The following TAFA1 variants were observed in gnomAD, a reference collection of about 807,000 sequenced individuals.
TAFA1 encodes chemokine-like protein TAFA-1.
In TAFA1, 4 loss-of-function variants were observed where a neutral mutation model predicts 18.5. That is an observed-to-expected ratio of 0.22 (90% confidence interval 0.11 to 0.49). The LOEUF is 0.49. Among genes scored for constraint, TAFA1 ranks in the 20% least tolerant of loss-of-function variants. TAFA1 has a pLI of 0.98. For synonymous variants in TAFA1, 56 were observed against 55.2 expected (o/e 1.01, Z -0.06); for missense variants, 147 against 169.0 (o/e 0.87, Z 0.72).
At position 68,512,827 on chromosome 3, in the gene TAFA1, G is replaced by A. The variant is rs78374755; in HGVS notation, c.260-25929G>A. Among the ~76,000 whole-genome samples, 1,259 of 152,012 alleles carry A rather than the reference G, an allele frequency of 8.3e-3. 17 individuals carry two copies. Among genetic ancestry groups the A allele is most frequent in the African/African-American group, 0.028 (1,170 of 41,492 alleles). ...TGTCAGAACTCATGATCTTGATTAC[G>A]TTGTTACATGAACTATTAATTTAAA... On this transcript the variant is annotated intron_variant, in intron 3 of 4. Coordinates refer to ENST00000478136, the MANE Select transcript of TAFA1 (RefSeq NM_213609.4).
intron 3 of TAFA1, among the ~76,000 whole-genome samples, chr3:68,498,445 T>C (rs1849231): frequency 0.21 from 31,979 of 152,042 alleles, 3,440 homozygotes; most frequent in Middle Eastern, 0.24. Context: ...ATGCCACAGC[T>C]GTGCAAAATA....
At chr3:68,053,531 A>G (rs1210884243) in intron 2 of TAFA1, among the ~76,000 whole-genome samples, 1 of 151,948 alleles carries the variant, frequency 6.6e-6, no homozygotes, top group African/African-American at 2.4e-5. Flanking sequence ...ATTTTAATGT[A>G]TCTATTTACT....
Position 68,145,224 on chromosome 3 carries a change from T to C in TAFA1, c.118+138480T>C, listed in dbSNP as rs28640013. The C allele has an allele frequency of 3.8e-6, 3 of 792,942 alleles. No homozygotes were observed. The East Asian group carries it at 7.3e-5, about 19-fold the overall frequency. The allele number at this position is 792,942 out of a possible 1,614,324, so 49.1% of individuals were successfully genotyped here. ...TCTGCAAATTCTGAACTTGGGGGAATTTGGTCAGTAGGACGAAGAGTCTGG... is the reference window on the plus strand; with the variant it reads ...TCTGCAAATTCTGAACTTGGGGGAACTTGGTCAGTAGGACGAAGAGTCTGG... On this transcript the variant is annotated intron_variant, in intron 2 of 4. Coordinates refer to ENST00000478136, the MANE Select transcript of TAFA1 (RefSeq NM_213609.4).
chr3:68,387,130 T>A (rs2070122688), intron 2 of TAFA1, among the ~76,000 whole-genome samples: 1 of 151,886 alleles, frequency 6.6e-6, no homozygotes, highest in South Asian at 2.1e-4. Flanking sequence ...AAGAGTGTGA[T>A]GGAACAAATC....
At chr3:68,497,175 A>G (rs1293372507) in intron 3 of TAFA1, among the ~76,000 whole-genome samples, 1 of 152,176 alleles carries the variant, frequency 6.6e-6, no homozygotes, top group East Asian at 1.9e-4. Flanking sequence ...CCAGCTAATC[A>G]TGCTTTCAAG....
In TAFA1 at chr3:68,128,223, C is replaced by T. The variant is rs2065493804; in HGVS notation, c.118+121479C>T. 2.0e-5 allele frequency among the ~76,000 whole-genome samples: 3 copies of T among 152,208 alleles called. No homozygotes were observed. In the South Asian group the frequency reaches 6.2e-4, roughly 32 times the overall value. On this transcript the variant is annotated intron_variant, in intron 2 of 4. Transcript: ENST00000478136. ...GGCTACACACTTAACTCCATGTAGT[C>T]TTTATACTAATCTAACATCTTGCAT...
intron 2 of TAFA1, among the ~76,000 whole-genome samples, chr3:68,277,734 T>G (rs2067822161): frequency 6.6e-6 from 1 of 152,190 alleles, no homozygotes; most frequent in Non-Finnish European, 1.5e-5. Context: ...ACTAAAGGTT[T>G]AGTATCAGAC....
chr3:68,208,774 T>C (rs1276528253), intron 2 of TAFA1, among the ~76,000 whole-genome samples: 4 of 151,966 alleles, frequency 2.6e-5, no homozygotes, highest in African/African-American at 9.7e-5. Context: ...CTGTGCAGAA[T>C]TTCCTCCAAG....
intron 3 of TAFA1, among the ~76,000 whole-genome samples, chr3:68,505,398 T>C (rs2072730252): frequency 6.6e-6 from 1 of 152,168 alleles, no homozygotes; most frequent in African/African-American, 2.4e-5. Context: ...TTTAAATTCA[T>C]CTCTGTTACT....
intron 2 of TAFA1, among the ~76,000 whole-genome samples, chr3:68,032,238 C>T (rs1704950548): frequency 6.6e-6 from 1 of 152,074 alleles, no homozygotes; most frequent in Non-Finnish European, 1.5e-5. Flanking sequence ...TATAGACAAA[C>T]ATTTTCTCTA....
At chr3:68,300,790 T>C (rs2068290325) in intron 2 of TAFA1, among the ~76,000 whole-genome samples, 1 of 152,158 alleles carries the variant, frequency 6.6e-6, no homozygotes, top group Non-Finnish European at 1.5e-5. Context: ...CAAGATTTGA[T>C]GGTTTTATAA....
At chr3:68,434,249 G>T (rs17047725) in intron 3 of TAFA1, among the ~76,000 whole-genome samples, 3 of 151,998 alleles carry the variant, frequency 2.0e-5, no homozygotes, top group Non-Finnish European at 2.9e-5. Flanking sequence ...ACTTGAGATT[G>T]GTGTGGACTA....
At chr3:68,413,312 C>T (rs1198985225) in intron 2 of TAFA1, among the ~76,000 whole-genome samples, 1 of 152,088 alleles carries the variant, frequency 6.6e-6, no homozygotes, top group Non-Finnish European at 1.5e-5. Flanking sequence ...AAATTTTTCT[C>T]CCATTCTGTA....
At chr3:68,331,814 G>A (rs1159905272) in intron 2 of TAFA1, among the ~76,000 whole-genome samples, 1 of 149,482 alleles carries the variant, frequency 6.7e-6, no homozygotes, top group Non-Finnish European at 1.5e-5. Flanking sequence ...GTCAATAAAG[G>A]CACCAAGAAT....
intron 3 of TAFA1, among the ~76,000 whole-genome samples, chr3:68,457,999 A>G (rs1479977102): frequency 1.3e-5 from 2 of 152,190 alleles, no homozygotes; most frequent in East Asian, 3.9e-4. Context: ...CCCATTAGAC[A>G]TTTTAATGAT....
intron 2 of TAFA1, among the ~76,000 whole-genome samples, chr3:68,173,191 A>G (rs995357741): frequency 6.6e-6 from 1 of 152,158 alleles, no homozygotes; most frequent in Non-Finnish European, 1.5e-5. Flanking sequence ...AAAAAAATCA[A>G]AGAAAACACA....
In TAFA1 at chr3:68,334,088, A is replaced by G. The variant is rs1304554029; in HGVS notation, c.119-83192A>G. Among the ~76,000 whole-genome samples the G allele has an allele frequency of 2.6e-5, 4 of 152,226 alleles. No individual in the cohort carries two copies. The East Asian group carries it at 7.7e-4, about 29-fold the overall frequency. On this transcript the variant is annotated intron_variant, in intron 2 of 4. Coordinates refer to ENST00000478136, the MANE Select transcript of TAFA1 (RefSeq NM_213609.4). ...TCAGGAGGCCCAATGTGCAACATGG[A>G]AACTATAGTTAATATACTGTATATT...
chr3:68,450,518 G>A (rs1030514871), intron 3 of TAFA1, among the ~76,000 whole-genome samples: 2 of 152,170 alleles, frequency 1.3e-5, no homozygotes, highest in African/African-American at 4.8e-5. Flanking sequence ...TGGCTCATGG[G>A]CAGGTGCCCA....
intron 3 of TAFA1, among the ~76,000 whole-genome samples, chr3:68,419,155 C>A (rs1025780173): frequency 6.6e-6 from 1 of 152,100 alleles, no homozygotes; most frequent in Non-Finnish European, 1.5e-5. Flanking sequence ...AATACAGAAG[C>A]CTTTATATGT....
Sources: allele counts gnomAD v4.1 joint callset (sites outside exome capture counted in the v4.1 genomes callset), GRCh38; gene constraint gnomAD v4.1.1; transcripts MANE v1.5; gene names NCBI Gene and HGNC (gene_info 2026-07-23, HGNC 2026-07-21).